The following CSMD1 variants were observed in gnomAD, a reference collection of about 807,000 sequenced individuals.
CSMD1 encodes CUB and sushi domain-containing protein 1.
CSMD1 carries 213 observed loss-of-function variants against 417.5 expected under a neutral mutation model. That is an observed-to-expected ratio of 0.51 (90% CI 0.46 to 0.57). CSMD1 has a LOEUF of 0.57. Ranked by LOEUF, CSMD1 falls within the 20% of genes least tolerant of loss-of-function variation. CSMD1 has a pLI of 0.00. For missense variants in CSMD1, 6,923 were observed against 4,529.7 expected (o/e 1.53, Z -15.17); for synonymous variants, 2,862 against 1,736.8 (o/e 1.65, Z -16.11).
At chr8:2,992,800 G>A (rs758660103) in intron 54 of CSMD1, among the ~76,000 whole-genome samples, 44 of 151,910 alleles carry the variant, frequency 2.9e-4, no homozygotes, top group Middle Eastern at 3.4e-3. Context: ...TGGAAGTGCC[G>A]TGTCTTGGCT....
intron 2 of CSMD1, among the ~76,000 whole-genome samples, chr8:4,630,978 A>G (rs1180461517): frequency 6.6e-6 from 1 of 152,178 alleles, no homozygotes; most frequent in Non-Finnish European, 1.5e-5. Context: ...TGTGGTGTTC[A>G]TATGAGGCTG....
chr8:4,625,296 G>C (rs1002173925), intron 2 of CSMD1, among the ~76,000 whole-genome samples: 1 of 152,080 alleles, frequency 6.6e-6, no homozygotes, highest in African/African-American at 2.4e-5. Flanking sequence ...GCTGAAAAGA[G>C]TGATGGAAGT....
rs1446561082 is a variant in CSMD1, at chr8:4,262,496, G to C, written c.415+157457C>G. ...TATATTTCCCTTGCTATTTCCTTTT[G>C]CTGGTGGGCTGATTTTTAAGTTTGA... On this transcript the variant is annotated intron_variant, in intron 3 of 69. Transcript: ENST00000635120. Among the ~76,000 whole-genome samples the C allele has an allele frequency of 2.0e-5, 3 of 152,134 alleles. No individual in the cohort carries two copies. In the East Asian group the frequency reaches 5.8e-4, roughly 29 times the overall value.
intron 25 of CSMD1, among the ~76,000 whole-genome samples, chr8:3,302,637 C>G (rs189632534): frequency 1.3e-5 from 2 of 152,280 alleles, no homozygotes; most frequent in Admixed American, 6.5e-5. Flanking sequence ...TGAGAATGCA[C>G]TGAATAGCAG....
intron 1 of CSMD1, among the ~76,000 whole-genome samples, chr8:4,762,490 T>C (rs2117102783): frequency 6.6e-6 from 1 of 152,294 alleles, no homozygotes; most frequent in African/African-American, 2.4e-5. Context: ...ATTACAGATA[T>C]CAAATTTACA....
chr8:3,355,934 G>T (rs932722569), intron 21 of CSMD1, among the ~76,000 whole-genome samples: 2 of 151,932 alleles, frequency 1.3e-5, no homozygotes, highest in Non-Finnish European at 2.9e-5. Context: ...AGGAATACAT[G>T]ATACTATTTC....
At chr8:3,533,099 T>C (rs887695115) in intron 10 of CSMD1, among the ~76,000 whole-genome samples, 1 of 152,172 alleles carries the variant, frequency 6.6e-6, no homozygotes, top group Non-Finnish European at 1.5e-5. Flanking sequence ...TCCATCACCA[T>C]CTTGGCATGA....
intron 50 of CSMD1, among the ~76,000 whole-genome samples, chr8:3,035,305 T>C (rs1369025967): frequency 6.6e-6 from 1 of 152,190 alleles, no homozygotes; most frequent in Non-Finnish European, 1.5e-5. Context: ...ATTGTATATG[T>C]AATTCTACTG....
intron 50 of CSMD1, among the ~76,000 whole-genome samples, chr8:3,047,518 C>T (rs1400956118): frequency 6.6e-6 from 1 of 152,158 alleles, no homozygotes. Context: ...TGCGAGTACA[C>T]AGCTCCTGCC....
chr8:3,727,996 T>C (rs1301305508), intron 6 of CSMD1, among the ~76,000 whole-genome samples: 3 of 152,126 alleles, frequency 2.0e-5, no homozygotes, highest in Non-Finnish European at 2.9e-5. Flanking sequence ...AAATGCATGG[T>C]GGTGGAGGCT....
chr8:3,763,378 C>A (rs1038005413), intron 5 of CSMD1, among the ~76,000 whole-genome samples: 1 of 152,014 alleles, frequency 6.6e-6, no homozygotes, highest in African/African-American at 2.4e-5. Flanking sequence ...ATGGCTGGTG[C>A]CTTCCCCATG....
chr8:2,999,351 T>A (rs1230998486), intron 53 of CSMD1, among the ~76,000 whole-genome samples: 2 of 152,028 alleles, frequency 1.3e-5, no homozygotes, highest in Admixed American at 1.3e-4. Context: ...AAATGGGGTT[T>A]TGCCATCGGC....
chr8:3,583,338 G>A (rs972448823), intron 9 of CSMD1, among the ~76,000 whole-genome samples: 4 of 151,844 alleles, frequency 2.6e-5, no homozygotes, highest in African/African-American at 9.7e-5. Context: ...AGAGCTGCAT[G>A]GTTTTGGGGA....
intron 3 of CSMD1, among the ~76,000 whole-genome samples, chr8:4,206,577 G>C (rs1267210832): frequency 6.6e-6 from 1 of 152,148 alleles, no homozygotes; most frequent in Non-Finnish European, 1.5e-5. Context: ...TCTTAATCCA[G>C]TCTATCATTG....
At chr8:4,012,430 C>G (rs756005671) in intron 4 of CSMD1, among the ~76,000 whole-genome samples, 14 of 152,030 alleles carry the variant, frequency 9.2e-5, no homozygotes, top group South Asian at 2.1e-4. Flanking sequence ...ATGTTTTATT[C>G]TTAACTTTTA....
chr8:3,318,959 C>T (rs949282129), intron 23 of CSMD1, among the ~76,000 whole-genome samples: 1 of 152,294 alleles, frequency 6.6e-6, no homozygotes, highest in Admixed American at 6.5e-5. Flanking sequence ...AACACACACA[C>T]ATATGTGCAT....
chr8:4,686,435 G>C (rs1208300794), intron 1 of CSMD1, among the ~76,000 whole-genome samples: 1 of 152,196 alleles, frequency 6.6e-6, no homozygotes, highest in East Asian at 1.9e-4. Context: ...CCCCGATGTA[G>C]GCCATAAGTA....
chr8:3,429,966 C>CTGTA (rs534036626), intron 12 of CSMD1, among the ~76,000 whole-genome samples: 87 of 152,068 alleles, frequency 5.7e-4, no homozygotes, highest in South Asian at 2.9e-3. Context: ...TAATCGATAT[C>CTGTA]TGTATGTATG....
chr8:3,975,086 G>T (rs1028052058), intron 5 of CSMD1, among the ~76,000 whole-genome samples: 2 of 152,008 alleles, frequency 1.3e-5, no homozygotes, highest in African/African-American at 4.8e-5. Flanking sequence ...ATTTCTTAAC[G>T]TTAAAAACTA....
Sources: allele counts gnomAD v4.1 joint callset (sites outside exome capture counted in the v4.1 genomes callset), GRCh38; gene constraint gnomAD v4.1.1; transcripts MANE v1.5; gene names NCBI Gene and HGNC (gene_info 2026-07-23, HGNC 2026-07-21).